Variants in ADGRL3 observed in about 807,000 individuals in gnomAD.
The protein encoded by ADGRL3 is calcium-independent alpha-latrotoxin receptor 3.
A neutral mutation model predicts 153.5 loss-of-function variants in ADGRL3; 62 were observed. The observed-to-expected ratio is 0.40, with a 90% CI of 0.33 to 0.50. ADGRL3 has a LOEUF of 0.50. ADGRL3 is among the 20% of genes least tolerant of loss of function. The pLI, the probability that ADGRL3 is intolerant of heterozygous loss-of-function variation, is 0.47. For synonymous variants in ADGRL3, 710 were observed against 672.5 expected, an observed-to-expected ratio of 1.06 and a Z score of -0.86; for missense variants, 1,641 against 1,859.4, an observed-to-expected ratio of 0.88 and a Z score of 2.16.
intron 1 of ADGRL3, among the ~76,000 whole-genome samples, chr4:61,337,877 A>T (rs1004300920): frequency 6.6e-6 from 1 of 151,150 alleles, no homozygotes; most frequent in Admixed American, 6.6e-5. Context: ...TTAAACACAT[A>T]CTCTCTCTCT....
intron 5 of ADGRL3, among the ~76,000 whole-genome samples, chr4:61,667,656 T>C (rs539215408): frequency 7.8e-4 from 119 of 152,312 alleles, no homozygotes; most frequent in African/African-American, 2.8e-3. Flanking sequence ...GCTTTAAAAG[T>C]TTACCTTTCT....
At chr4:61,835,309 T>C (rs1228704841) in intron 9 of ADGRL3, among the ~76,000 whole-genome samples, 1 of 124,522 alleles carries the variant, frequency 8.0e-6, no homozygotes, top group African/African-American at 3.2e-5. Flanking sequence ...TTAGGACCTC[T>C]CATGTGTGCA....
intron 2 of ADGRL3, among the ~76,000 whole-genome samples, chr4:61,451,872 G>A (rs2097678746): frequency 6.6e-6 from 1 of 152,158 alleles, no homozygotes; most frequent in East Asian, 1.9e-4. Context: ...TTTCCCAGAA[G>A]TAATAGGAAG....
chr4:61,619,966 G>A (rs1160422555), intron 5 of ADGRL3, among the ~76,000 whole-genome samples: 1 of 151,956 alleles, frequency 6.6e-6, no homozygotes, highest in Non-Finnish European at 1.5e-5. Context: ...GGGAGTTTTT[G>A]TAAGTAAAAA....
intron 8 of ADGRL3, among the ~76,000 whole-genome samples, chr4:61,771,439 C>T (rs528340347): frequency 1.3e-4 from 20 of 152,252 alleles, no homozygotes; most frequent in Non-Finnish European, 2.2e-4. Context: ...AGCCCATTTC[C>T]GACCATAGAG....
rs1313637927 is a variant in ADGRL3 at position 61,876,905 on chromosome 4, CT to C, written c.1481-15748del. Among the ~76,000 whole-genome samples, 51 of 61,476 alleles carry C rather than the reference CT, an allele frequency of 8.3e-4. No homozygotes were observed. In the East Asian group the frequency reaches 0.021, roughly 26 times the overall value. 40.3% of individuals were successfully genotyped at this position (61,476 alleles called of 152,430 possible). A position where few individuals can be genotyped will look rare whatever the true frequency, so the allele number is the denominator to read the frequency against. ...TACTTTCTCAATAAACTTGCTTTCA[CT>C]TTAAAAAAAAAAAAAAAAAAAGAAA... On this transcript the variant is annotated intron_variant, in intron 9 of 26. Transcript: ENST00000683033.
chr4:61,475,847 G>A (rs552767882), intron 2 of ADGRL3, among the ~76,000 whole-genome samples: 112 of 152,220 alleles, frequency 7.4e-4, no homozygotes, highest in Non-Finnish European at 8.4e-4. Context: ...ACTGTTAAGC[G>A]TATGTGTAGA....
Position 61,947,012 on chromosome 4 carries a change from A to C in ADGRL3, c.2518A>C (p.Asn840His), listed in dbSNP as rs1398535687. 1.9e-6 allele frequency: 3 copies of C among 1,613,822 alleles called. No individual in the cohort carries two copies. Among genetic ancestry groups the C allele is most frequent in the South Asian group, 1.1e-5 (1 of 91,072 alleles). ...MKLGTEALSTNHSVIVNSPVI... is the reference protein window; with the variant it reads ...MKLGTEALSTHHSVIVNSPVI... ...GTTGGGAACGGAAGCTTTGTCCACAAATCATTCTGTTATTGTCAATTCCCC... is the reference window on the plus strand; with the variant it reads ...GTTGGGAACGGAAGCTTTGTCCACACATCATTCTGTTATTGTCAATTCCCC... Residue 840 changes from asparagine (N) to histidine (H), a missense_variant, in exon 16 of 27, where the codon AAT (asparagine) becomes CAT (histidine). This residue lies in a region of ADGRL3 where 734 missense variants were observed against 797.0 expected (regional missense o/e 0.92). Coordinates refer to ENST00000683033, the MANE Select transcript of ADGRL3 (RefSeq NM_001387552.1).
At chr4:61,813,757 G>A in intron 8 of ADGRL3, 52 bp from the exon 9 acceptor site, 3 of 1,597,924 alleles carry the variant, frequency 1.9e-6, no homozygotes, top group South Asian at 1.1e-5. Context: ...AATTTAAAAA[G>A]GGAAAAGACA....
At chr4:61,628,680 C>T (rs1232536634) in intron 5 of ADGRL3, among the ~76,000 whole-genome samples, 3 of 152,062 alleles carry the variant, frequency 2.0e-5, no homozygotes, top group South Asian at 4.2e-4. Flanking sequence ...AAAGATTACT[C>T]TTAGCATTTT....
At chr4:61,682,563 AT>A (rs10685495) in intron 6 of ADGRL3, among the ~76,000 whole-genome samples, 45,227 of 136,028 alleles carry the variant, frequency 0.33, 5,438 homozygotes, top group East Asian at 0.47. Flanking sequence ...CTTTAAAAAA[AT>A]TTTTTTTTTT....
At chr4:61,503,276 C>A (rs952197514) in intron 3 of ADGRL3, among the ~76,000 whole-genome samples, 1 of 151,890 alleles carries the variant, frequency 6.6e-6, no homozygotes, top group Non-Finnish European at 1.5e-5. Context: ...TAGTAATAAT[C>A]TATGAGTGAT....
chr4:61,799,004 TA>T (rs2097451845), intron 8 of ADGRL3, among the ~76,000 whole-genome samples: 1 of 53,784 alleles, frequency 1.9e-5, no homozygotes, highest in East Asian at 5.8e-4. Flanking sequence ...AAACAGTATA[TA>T]TATATATATA....
intron 1 of ADGRL3, among the ~76,000 whole-genome samples, chr4:61,377,943 T>C (rs1158973136): frequency 1.3e-5 from 2 of 152,072 alleles, no homozygotes; most frequent in Non-Finnish European, 2.9e-5. Context: ...TGATTTCATC[T>C]TTGACCCTTG....
intron 9 of ADGRL3, among the ~76,000 whole-genome samples, chr4:61,844,290 G>A (rs1399324704): frequency 6.6e-6 from 1 of 151,514 alleles, no homozygotes; most frequent in East Asian, 2.0e-4. Flanking sequence ...GCTCACGCCT[G>A]TAATCCCAGC....
chr4:61,524,768 CTGT>C (rs2098550128), intron 4 of ADGRL3, among the ~76,000 whole-genome samples: 1 of 151,986 alleles, frequency 6.6e-6, no homozygotes. Context: ...TTTTGACTTT[CTGT>C]TTTATAATAA....
intron 2 of ADGRL3, among the ~76,000 whole-genome samples, chr4:61,419,970 T>A (rs2152325886): frequency 6.6e-6 from 1 of 151,890 alleles, no homozygotes; most frequent in African/African-American, 2.4e-5. Flanking sequence ...ATATTTTTTT[T>A]TATATATGTT....
chr4:61,881,804 A>G (rs375855190), intron 9 of ADGRL3, among the ~76,000 whole-genome samples: 15 of 152,386 alleles, frequency 9.8e-5, no homozygotes, highest in Admixed American at 8.5e-4. Context: ...ATATAAAAAT[A>G]TGTGTCACTA....
chr4:61,443,134 T>C (rs2097544793), intron 2 of ADGRL3, among the ~76,000 whole-genome samples: 1 of 152,206 alleles, frequency 6.6e-6, no homozygotes, highest in Non-Finnish European at 1.5e-5. Flanking sequence ...AATAGAGTCA[T>C]GTAGCTTTCT....
Sources: allele counts gnomAD v4.1 joint callset (sites outside exome capture counted in the v4.1 genomes callset), GRCh38; gene constraint gnomAD v4.1.1; regional missense constraint gnomAD v4.1.1; transcripts MANE v1.5; gene names NCBI Gene and HGNC (gene_info 2026-07-23, HGNC 2026-07-21).